Variants in KAT6B observed in about 807,000 individuals in gnomAD.
The protein encoded by KAT6B is lysine acetyltransferase 6B, also known as histone acetyltransferase KAT6B.
KAT6B carries 10 observed loss-of-function variants against 187.5 expected under a neutral mutation model. That is an observed-to-expected ratio of 0.05 (90% CI 0.03 to 0.09). The LOEUF (loss-of-function observed/expected upper bound fraction) is 0.09, where lower values mean the gene tolerates loss of function less well. KAT6B is among the 10% of genes least tolerant of loss of function. The probability of loss-of-function intolerance (pLI) is 1.00; values close to 1 mark genes in which losing one functional copy is unlikely to be tolerated. For missense variants in KAT6B, 1,952 were observed against 2,558.9 expected (o/e 0.76, Z 5.12); for synonymous variants, 861 against 926.8 (o/e 0.93, Z 1.29).
At chr10:74,830,780 T>A (rs1377955001) in intron 1 of KAT6B, among the ~76,000 whole-genome samples, 89 of 63,204 alleles carry the variant, frequency 1.4e-3, no homozygotes, top group African/African-American at 3.0e-3. Flanking sequence ...TTTTTTTTTT[T>A]TTTTTTTTTT....
chr10:75,031,012 A>G lies in KAT6B; in HGVS notation c.6188A>G (p.Lys2063Arg). The G allele has an allele frequency of 6.2e-7, 1 of 1,614,200 alleles. No homozygotes were observed. The highest frequency in any genetic ancestry group is 8.5e-7 in the Non-Finnish European group (1 of 1,180,038). The change falls in exon 18 of 18, where the codon AAA (lysine) becomes AGA (arginine). Residue 2063 changes from lysine to arginine, a missense_variant. Lys to Arg is a conservative substitution (Grantham distance 26). This residue lies in a region of KAT6B where 358 missense variants were observed against 436.3 expected (regional missense o/e 0.82). Coordinates refer to ENST00000287239, the MANE Select transcript of KAT6B (RefSeq NM_012330.4). Reference protein sequence around the residue: ...HHGYMNTGMSKQSLNGSYMRR With the variant: ...HHGYMNTGMSRQSLNGSYMRR Reference sequence around the variant, plus strand: ...GGCTACATGAACACAGGCATGTCCAAACAGTCTCTCAATGGCTCCTACATG... The same window carrying G: ...GGCTACATGAACACAGGCATGTCCAGACAGTCTCTCAATGGCTCCTACATG...
rs1415303618 is a variant in KAT6B, at chr10:75,031,077, G to A, written c.*31G>A. ...GTGGGCAGTCCACAAAACCTACGGG[G>A]CATCACTATTGGATTGATCTGCACA... On this transcript the variant is annotated 3_prime_UTR_variant, in exon 18 of 18. Transcript: ENST00000287239. The A allele has an allele frequency of 6.2e-7, 1 of 1,612,038 alleles. No homozygotes were observed. The highest frequency in any genetic ancestry group is 8.5e-7 in the Non-Finnish European group (1 of 1,179,072).
intron 3 of KAT6B, among the ~76,000 whole-genome samples, chr10:74,942,410 T>C (rs1021011951): frequency 6.6e-6 from 1 of 152,128 alleles, no homozygotes; most frequent in Non-Finnish European, 1.5e-5. Context: ...ATTAATGATA[T>C]AAACTCTTAG....
At position 74,910,106 on chromosome 10, in the gene KAT6B, A is replaced by G. The variant is rs1847081815; in HGVS notation, c.622-49864A>G. On this transcript the variant is annotated intron_variant, in intron 3 of 17. Coordinates refer to ENST00000287239, the MANE Select transcript of KAT6B (RefSeq NM_012330.4). ...ACAGTTTGAGACCAGCCTGGCCAAC[A>G]TGGAGAAGCCCCATCTCTACTAAAA... 2.0e-5 allele frequency among the ~76,000 whole-genome samples: 3 copies of G among 150,362 alleles called. No homozygotes were observed. The South Asian group carries it at 6.3e-4, about 32-fold the overall frequency.
chr10:74,953,310 GTTGT>G (rs888429886), intron 3 of KAT6B, among the ~76,000 whole-genome samples: 7 of 152,182 alleles, frequency 4.6e-5, no homozygotes, highest in African/African-American at 9.6e-5. Flanking sequence ...AGGACTTGAA[GTTGT>G]TTGTTTGCTC....
At position 74,903,985 on chromosome 10, in the gene KAT6B, A is replaced by G. The variant is rs530969113; in HGVS notation, c.622-55985A>G. On this transcript the variant is annotated intron_variant, in intron 3 of 17. Coordinates refer to ENST00000287239, the MANE Select transcript of KAT6B (RefSeq NM_012330.4). Reference sequence around the variant, plus strand: ...GAGATACTCCATGTGGATGGTCAGTACATTATCTCCCTTAAGGCAGACCTG... The same window carrying G: ...GAGATACTCCATGTGGATGGTCAGTGCATTATCTCCCTTAAGGCAGACCTG... Among the ~76,000 whole-genome samples, 4 of 152,318 alleles carry G rather than the reference A, an allele frequency of 2.6e-5. No individual in the cohort carries two copies. In the South Asian group the frequency reaches 8.3e-4, roughly 32 times the overall value.
Position 74,843,002 on chromosome 10 carries a change from G to C in KAT6B, c.145G>C (p.Glu49Gln). ...TGGGTTGGATAAGAAGACAGTCTCT[G>C]AACAGCTGGAACTCAGTGTTCAGGA... ...SHGLDKKTVS[E>Q]QLELSVQDGS... Residue 49 changes from glutamate to glutamine, a missense_variant, in exon 3 of 18, where the codon GAA (glutamate) becomes CAA (glutamine). Transcript: ENST00000287239. The C allele has an allele frequency of 6.2e-7, 1 of 1,614,158 alleles. No homozygotes were observed. Among genetic ancestry groups the C allele is most frequent in the Middle Eastern group, 1.6e-4 (1 of 6,062 alleles).
At chr10:74,945,271 G>T (rs1589679109) in intron 3 of KAT6B, among the ~76,000 whole-genome samples, 2 of 152,188 alleles carry the variant, frequency 1.3e-5, no homozygotes, top group African/African-American at 2.4e-5. Context: ...TCATAAAAGA[G>T]TACGGATTGT....
At position 74,861,154 on chromosome 10, in the gene KAT6B, T is replaced by C. The variant is rs144211419; in HGVS notation, c.621+17676T>C. Among the ~76,000 whole-genome samples, 784 of 150,894 alleles carry C rather than the reference T, an allele frequency of 5.2e-3. 7 individuals carry two copies. The highest frequency in any genetic ancestry group is 8.4e-3 in the Non-Finnish European group (568 of 67,680). On this transcript the variant is annotated intron_variant, in intron 3 of 17. Transcript: ENST00000287239. ...TCCGTCTCAAAAAAAAAAAAAACAT[T>C]AGCCGGGTGTGGTGACACACACCTG...
chr10:74,987,597 A>G (rs1394747685), intron 12 of KAT6B, among the ~76,000 whole-genome samples: 1 of 152,266 alleles, frequency 6.6e-6, no homozygotes, highest in Non-Finnish European at 1.5e-5. Flanking sequence ...GGTTCAGTGC[A>G]AATTGTTACA....
At position 74,893,366 on chromosome 10, in the gene KAT6B, G is replaced by T. The variant is rs143396253; in HGVS notation, c.621+49888G>T. 4.6e-5 allele frequency among the ~76,000 whole-genome samples: 7 copies of T among 152,172 alleles called. No homozygotes were observed. In the East Asian group the frequency reaches 1.2e-3, roughly 25 times the overall value. On this transcript the variant is annotated intron_variant, in intron 3 of 17. Coordinates refer to ENST00000287239, the MANE Select transcript of KAT6B (RefSeq NM_012330.4). ...CTTGACATTGGATAAAATGAATTTG[G>T]ATTTAGACTAAATAGACTTTTTAAT...
chr10:74,960,177 G>T (rs1334356218), intron 4 of KAT6B, 99 bp downstream of exon 4: 3 of 860,684 alleles, frequency 3.5e-6, no homozygotes, highest in Admixed American at 3.7e-5. Flanking sequence ...ATTTAAGGCA[G>T]TTATATGGTA....
chr10:74,959,842 A>AT (rs1234117735), intron 3 of KAT6B, 128 bp from the exon 4 acceptor site: 1 of 696,672 alleles, frequency 1.4e-6, no homozygotes, highest in African/African-American at 1.8e-5. Context: ...TAAATACGTT[A>AT]TTTAGCAGTT....
At position 74,842,641 on chromosome 10, in the gene KAT6B, G is replaced by T; in HGVS notation, c.-217G>T. ...TAAAGATGTTCTTCACCCGAATGCA[G>T]TCTTTCCTGTTGGTAAAATAAGACA... On this transcript the variant is annotated 5_prime_UTR_variant, in exon 3 of 18. Coordinates refer to ENST00000287239, the MANE Select transcript of KAT6B (RefSeq NM_012330.4). 1 of 615,646 alleles carries T rather than the reference G, an allele frequency of 1.6e-6. No individual in the cohort carries two copies. The highest frequency in any genetic ancestry group is 2.0e-5 in the South Asian group (1 of 50,788). The allele number at this position is 615,646 out of a possible 1,614,324, so 38.1% of individuals were successfully genotyped here. A position where few individuals can be genotyped will look rare whatever the true frequency, so the allele number is the denominator to read the frequency against.
intron 13 of KAT6B, among the ~76,000 whole-genome samples, chr10:75,014,588 T>C (rs1844851938): frequency 6.6e-6 from 1 of 152,120 alleles, no homozygotes; most frequent in Non-Finnish European, 1.5e-5. Flanking sequence ...GCTCTCTGAG[T>C]GCTGAGGCCA....
Position 74,842,727 on chromosome 10 carries a change from G to T in KAT6B, c.-131G>T. On this transcript the variant is annotated 5_prime_UTR_variant, in exon 3 of 18. An upstream start codon of the reference 5' UTR is lost. Coordinates refer to ENST00000287239, the MANE Select transcript of KAT6B (RefSeq NM_012330.4). ...TCTTAAGGATGGATGTTTGTAAGAT[G>T]TTGCTTAATACAGTCTGGAATACTC... 1.0e-6 allele frequency: 1 copy of T among 986,068 alleles called. No homozygotes were observed. The allele number at this position is 986,068 out of a possible 1,614,324, so 61.1% of individuals were successfully genotyped here. A position where few individuals can be genotyped will look rare whatever the true frequency, so the allele number is the denominator to read the frequency against.
intron 3 of KAT6B, among the ~76,000 whole-genome samples, chr10:74,908,549 CA>C (rs10715826): frequency 0.23 from 25,156 of 109,332 alleles, 3,660 homozygotes; most frequent in African/African-American, 0.47. Context: ...GACCCCGTCT[CA>C]AAAAAAAAAA....
chr10:74,927,243 TCC>T (rs957595265), intron 3 of KAT6B, among the ~76,000 whole-genome samples: 2 of 152,140 alleles, frequency 1.3e-5, no homozygotes, highest in Non-Finnish European at 2.9e-5. Flanking sequence ...CTCCCTTTGC[TCC>T]CATAGTATAG....
intron 1 of KAT6B, among the ~76,000 whole-genome samples, chr10:74,837,979 G>A (rs139962771): frequency 2.2e-4 from 33 of 152,146 alleles, no homozygotes; most frequent in African/African-American, 8.0e-4. Context: ...TCGAGGAGTG[G>A]GGTGTGTGTC....
Sources: gnomAD v4.1 joint callset for allele counts (sites outside exome capture counted in the v4.1 genomes callset) on GRCh38, gnomAD v4.1.1 for gene constraint, gnomAD v4.1.1 regional missense constraint, MANE v1.5 for transcripts, NCBI Gene and HGNC (gene_info 2026-07-23, HGNC 2026-07-21) for gene names.